SMG6: variants seen among roughly 807,000 people sequenced by gnomAD.
SMG6 encodes the protein SMG6 nonsense mediated mRNA decay factor, also known as telomerase-binding protein EST1A.
In SMG6, 66 loss-of-function variants were observed where a neutral mutation model predicts 142.2. That is an observed-to-expected ratio of 0.46 (90% CI 0.38 to 0.57). The LOEUF is 0.57. Among genes scored for constraint, SMG6 ranks in the 20% least tolerant of loss-of-function variants. The probability of loss-of-function intolerance (pLI) is 0.00; values close to 1 mark genes in which losing one functional copy is unlikely to be tolerated. For missense variants in SMG6, 1,793 were observed against 1,832.0 expected, an observed-to-expected ratio of 0.98 and a Z score of 0.39; for synonymous variants, 779 against 702.4, an observed-to-expected ratio of 1.11 and a Z score of -1.72.
chr17:2,222,272 G>T (rs1014908385), intron 10 of SMG6, among the ~76,000 whole-genome samples: 3 of 151,946 alleles, frequency 2.0e-5, no homozygotes, highest in African/African-American at 7.3e-5. Context: ...AAAGAGTGCA[G>T]GTTTGGAGTA....
rs1180030278 is a variant in SMG6 at position 2,226,415 on chromosome 17, T to G, written c.2869+10077A>C. On this transcript the variant is annotated intron_variant, in intron 10 of 18. Coordinates refer to ENST00000263073, the MANE Select transcript of SMG6 (RefSeq NM_017575.5). ...CCAACACAGTGAAACCCCGTCTTACTAAATATACAAAAAATTAGCCGGGTG... is the reference window on the plus strand; with the variant it reads ...CCAACACAGTGAAACCCCGTCTTACGAAATATACAAAAAATTAGCCGGGTG... 3.4e-5 allele frequency among the ~76,000 whole-genome samples: 5 copies of G among 146,386 alleles called. No homozygotes were observed. The South Asian group carries it at 8.7e-4, about 26-fold the overall frequency.
At chr17:2,102,309 A>C (rs2069030477) in intron 13 of SMG6, among the ~76,000 whole-genome samples, 1 of 152,086 alleles carries the variant, frequency 6.6e-6, no homozygotes, top group African/African-American at 2.4e-5. Context: ...CATCACCTCA[A>C]ATACTTATCA....
intron 13 of SMG6, among the ~76,000 whole-genome samples, chr17:2,104,583 G>C (rs1214219420): frequency 6.6e-6 from 1 of 151,874 alleles, no homozygotes; most frequent in Non-Finnish European, 1.5e-5. Context: ...GGCAGGTAGA[G>C]CAAGTTAGCA....
intron 8 of SMG6, among the ~76,000 whole-genome samples, chr17:2,252,255 C>G (rs1025455942): frequency 1.3e-5 from 2 of 152,008 alleles, no homozygotes; most frequent in Admixed American, 6.6e-5. Context: ...ACTAAAAATA[C>G]AAAAATTAGC....
At chr17:2,302,013 G>A (rs1393021141) in intron 1 of SMG6, among the ~76,000 whole-genome samples, 1 of 152,230 alleles carries the variant, frequency 6.6e-6, no homozygotes, top group Non-Finnish European at 1.5e-5. Context: ...AGCACTTTGG[G>A]AGGCTGAGGC....
chr17:2,297,807 T>G, intron 3 of SMG6, 56 bp downstream of exon 3: 2 of 1,555,454 alleles, frequency 1.3e-6, no homozygotes, highest in South Asian at 2.3e-5. Flanking sequence ...TAAAAATCCA[T>G]CGTAACTACA....
At position 2,282,572 on chromosome 17, in the gene SMG6, C is replaced by A; in HGVS notation, c.2661+75G>T. 2.8e-6 allele frequency: 4 copies of A among 1,450,508 alleles called. No individual in the cohort carries two copies. The Admixed American group carries it at 6.7e-5, about 24-fold the overall frequency. 89.9% of individuals were successfully genotyped at this position (1,450,508 alleles called of 1,614,324 possible). A position where few individuals can be genotyped will look rare whatever the true frequency, so the allele number is the denominator to read the frequency against. On this transcript the variant is annotated intron_variant, in intron 8 of 18. Coordinates refer to ENST00000263073, the MANE Select transcript of SMG6 (RefSeq NM_017575.5). ...TGCAATCAGTGGGAAGTATCTGTGC[C>A]TCACAGCTGTATGAACCAGGGCACC...
intron 8 of SMG6, among the ~76,000 whole-genome samples, chr17:2,246,935 G>A (rs149494719): frequency 0.012 from 1,836 of 152,256 alleles, 54 homozygotes; most frequent in African/African-American, 0.042. Flanking sequence ...AACAAAGAGC[G>A]AAACTCTGTC....
chr17:2,217,579 C>T (rs1029715548), intron 10 of SMG6, among the ~76,000 whole-genome samples: 8 of 152,118 alleles, frequency 5.3e-5, no homozygotes, highest in Admixed American at 3.9e-4. Flanking sequence ...TCTCTCTGAA[C>T]TCTTTAAAGC....
At chr17:2,206,413 A>T (rs867499129) in intron 10 of SMG6, among the ~76,000 whole-genome samples, 16 of 151,852 alleles carry the variant, frequency 1.1e-4, no homozygotes, top group South Asian at 8.3e-4. Flanking sequence ...CTCTACAAAA[A>T]AAATAAATAA....
At chr17:2,267,136 G>A (rs2074438464) in intron 8 of SMG6, among the ~76,000 whole-genome samples, 1 of 152,092 alleles carries the variant, frequency 6.6e-6, no homozygotes, top group African/African-American at 2.4e-5. Flanking sequence ...CAAAAGCATA[G>A]GACTAATTAA....
chr17:2,297,316 T>C lies in SMG6; in HGVS notation c.2078A>G (p.Gln693Arg). ...DFFDSLLQKL[Q>R]VTYKFKLEDY... ...TTCCAGTTTGAACTTGTAAGTAACC[T>C]GCAGCTTCTGAAGCAAACTATCAAA... Residue 693 changes from glutamine (Q) to arginine (R), a missense_variant, in exon 4 of 19, where the codon CAG (glutamine) becomes CGG (arginine). This residue lies in a region of SMG6 where 1,597 missense variants were observed against 1,584.6 expected (regional missense o/e 1.01). Coordinates refer to ENST00000263073, the MANE Select transcript of SMG6 (RefSeq NM_017575.5). 1 of 1,613,088 alleles carries C rather than the reference T, an allele frequency of 6.2e-7. No individual in the cohort carries two copies. Among genetic ancestry groups the C allele is most frequent in the Non-Finnish European group, 8.5e-7 (1 of 1,179,614 alleles).
Position 2,259,347 on chromosome 17 carries a change from A to C in SMG6, c.2662-14628T>G, listed in dbSNP as rs2074261878. 2.0e-5 allele frequency among the ~76,000 whole-genome samples: 3 copies of C among 152,162 alleles called. No homozygotes were observed. The South Asian group carries it at 6.2e-4, about 32-fold the overall frequency. On this transcript the variant is annotated intron_variant, in intron 8 of 18. Coordinates refer to ENST00000263073, the MANE Select transcript of SMG6 (RefSeq NM_017575.5). ...TATCAGTAAGAAGAGATAAAAGATA[A>C]AATTGTAAAACTGAACAAGTTTATT...
intron 10 of SMG6, among the ~76,000 whole-genome samples, chr17:2,223,376 T>C (rs866527710): frequency 6.6e-6 from 1 of 152,198 alleles, no homozygotes. Flanking sequence ...ATGAGTCTTA[T>C]ATTTGAAGAG....
Position 2,061,465 on chromosome 17 carries a change from C to T in SMG6, c.*27G>A, listed in dbSNP as rs1555528754. ...TGGTGGCCTTTCAGGAACGGTTCCA[C>T]GGGGGGGGGGCCCCAGTGTGGCTCC... is the stretch of plus-strand genomic sequence containing the variant. On this transcript the variant is annotated 3_prime_UTR_variant, in exon 19 of 19. Transcript: ENST00000263073. The T allele has an allele frequency of 7.4e-7, 1 of 1,358,776 alleles. No homozygotes were observed. The highest frequency in any genetic ancestry group is 9.9e-7 in the Non-Finnish European group (1 of 1,011,638). 84.2% of individuals were successfully genotyped at this position (1,358,776 alleles called of 1,614,324 possible). A position where few individuals can be genotyped will look rare whatever the true frequency, so the allele number is the denominator to read the frequency against.
chr17:2,282,608 G>A (rs1323836096), intron 8 of SMG6, 39 bp downstream of exon 8: 2 of 1,602,264 alleles, frequency 1.2e-6, no homozygotes, highest in Non-Finnish European at 1.7e-6. Context: ...CAGGCTTACT[G>A]AGCTAGTTTG....
chr17:2,253,915 G>A (rs1407344429), intron 8 of SMG6, among the ~76,000 whole-genome samples: 5 of 152,098 alleles, frequency 3.3e-5, no homozygotes, highest in African/African-American at 9.7e-5. Context: ...CAAGCCCAAC[G>A]GAGACTTCAC....
At position 2,061,304 on chromosome 17, in the gene SMG6, C is replaced by A; in HGVS notation, c.*188G>T. On this transcript the variant is annotated 3_prime_UTR_variant, in exon 19 of 19. Coordinates refer to ENST00000263073, the MANE Select transcript of SMG6 (RefSeq NM_017575.5). ...CAGGAGGGTCCCAGCAGCTTCCGCC[C>A]GATCCTTGGGAGGGGCTCTGTGAGG... 1 of 610,234 alleles carries A rather than the reference C, an allele frequency of 1.6e-6. No individual in the cohort carries two copies. 37.8% of individuals were successfully genotyped at this position (610,234 alleles called of 1,614,324 possible).
chr17:2,135,375 C>G (rs1257524453), intron 13 of SMG6, among the ~76,000 whole-genome samples: 2 of 152,136 alleles, frequency 1.3e-5, no homozygotes. Flanking sequence ...ACATTATTCA[C>G]TCTAGTCACC....
Sources: allele counts gnomAD v4.1 joint callset (sites outside exome capture counted in the v4.1 genomes callset), GRCh38; gene constraint gnomAD v4.1.1; regional missense constraint gnomAD v4.1.1; transcripts MANE v1.5; gene names NCBI Gene and HGNC (gene_info 2026-07-23, HGNC 2026-07-21).